The following ANO3 variants were observed in gnomAD, a reference collection of about 807,000 sequenced individuals.
ANO3 encodes anoctamin 3.
ANO3 carries 99 observed loss-of-function variants against 144.8 expected under a neutral mutation model. The ratio of observed to expected loss-of-function variants is 0.68; its 90% confidence interval spans 0.58 to 0.81. The LOEUF (loss-of-function observed/expected upper bound fraction) is 0.81. Ranked by LOEUF, ANO3 falls within the 30% of genes least tolerant of loss-of-function variation. The pLI is 0.00. For synonymous variants in ANO3, 414 were observed against 392.6 expected (o/e 1.05, Z -0.64); for missense variants, 905 against 1,202.2 (o/e 0.75, Z 3.66).
At chr11:26,257,216 A>T (rs1853080045) in intron 1 of ANO3, among the ~76,000 whole-genome samples, 1 of 152,118 alleles carries the variant, frequency 6.6e-6, no homozygotes, top group South Asian at 2.1e-4. Flanking sequence ...ACAGAAGCAT[A>T]CACACAAAAA....
intron 4 of ANO3, among the ~76,000 whole-genome samples, chr11:26,485,603 A>C (rs375110752): frequency 1.6e-4 from 25 of 152,238 alleles, no homozygotes; most frequent in African/African-American, 5.3e-4. Context: ...AATACATCTG[A>C]TGATTAGGGA....
chr11:26,505,733 G>A (rs1861399561), intron 4 of ANO3, among the ~76,000 whole-genome samples: 1 of 152,112 alleles, frequency 6.6e-6, no homozygotes, highest in East Asian at 1.9e-4. Flanking sequence ...AGCACTTTGG[G>A]AGGCCAAGGC....
intron 5 of ANO3, among the ~76,000 whole-genome samples, chr11:26,509,670 A>G (rs1176975418): frequency 6.6e-6 from 1 of 152,200 alleles, no homozygotes; most frequent in Non-Finnish European, 1.5e-5. Flanking sequence ...TAAAGGAAAA[A>G]AAAACTGTTT....
At chr11:26,226,773 T>C (rs1351440115) in intron 1 of ANO3, among the ~76,000 whole-genome samples, 1 of 152,198 alleles carries the variant, frequency 6.6e-6, no homozygotes, top group Non-Finnish European at 1.5e-5. Context: ...TTTTAAACTT[T>C]TATTTTTTTA....
chr11:26,293,146 G>A (rs1853998776), intron 1 of ANO3, among the ~76,000 whole-genome samples: 1 of 152,110 alleles, frequency 6.6e-6, no homozygotes, highest in South Asian at 2.1e-4. Context: ...TTTAAAAGGT[G>A]TTTTGAAAAG....
intron 4 of ANO3, among the ~76,000 whole-genome samples, chr11:26,471,359 T>C (rs1859775377): frequency 6.6e-6 from 1 of 152,000 alleles, no homozygotes; most frequent in Non-Finnish European, 1.5e-5. Context: ...TAGATTGACC[T>C]GTTTGTAATT....
At chr11:26,357,038 A>T (rs1320795667) in intron 1 of ANO3, among the ~76,000 whole-genome samples, 1 of 152,194 alleles carries the variant, frequency 6.6e-6, no homozygotes, top group Non-Finnish European at 1.5e-5. Context: ...TTGCTATATA[A>T]GGTTAATTCA....
chr11:26,207,281 A>G (rs1851817149), intron 1 of ANO3, among the ~76,000 whole-genome samples: 1 of 152,252 alleles, frequency 6.6e-6, no homozygotes, highest in Non-Finnish European at 1.5e-5. Flanking sequence ...TGGCTTACAA[A>G]AAATCAGTTT....
chr11:26,348,670 T>C lies in ANO3; in HGVS notation c.46+16349T>C, dbSNP rs182798144. Among the ~76,000 whole-genome samples, 240 of 152,334 alleles carry C rather than the reference T, an allele frequency of 1.6e-3. 2 individuals carry two copies. Among genetic ancestry groups the C allele is most frequent in the African/African-American group, 5.6e-3 (233 of 41,578 alleles). On this transcript the variant is annotated intron_variant, in intron 1 of 26. Transcript: ENST00000256737. ...TCTTGAAGATCAGGTTTTGGATGAATCTTGAAACATAGCAAAAGCACTCAT... is the reference window on the plus strand; with the variant it reads ...TCTTGAAGATCAGGTTTTGGATGAACCTTGAAACATAGCAAAAGCACTCAT...
intron 1 of ANO3, among the ~76,000 whole-genome samples, chr11:26,431,650 T>C (rs1858094359): frequency 6.6e-6 from 1 of 152,170 alleles, no homozygotes; most frequent in Non-Finnish European, 1.5e-5. Flanking sequence ...ACAAGTGATG[T>C]TTGGTTTTCT....
intron 1 of ANO3, among the ~76,000 whole-genome samples, chr11:26,371,413 G>A (rs2085880): frequency 0.27 from 40,694 of 152,164 alleles, 6,118 homozygotes; most frequent in African/African-American, 0.41. Flanking sequence ...GAGAACCTCT[G>A]CAGTGTGGAA....
chr11:26,504,819 C>T (rs1344284750), intron 4 of ANO3, among the ~76,000 whole-genome samples: 2 of 135,672 alleles, frequency 1.5e-5, no homozygotes, highest in East Asian at 2.2e-4. Context: ...GTCAGGAGAT[C>T]GAGACCATGG....
intron 1 of ANO3, among the ~76,000 whole-genome samples, chr11:26,378,570 A>G (rs766451827): frequency 3.7e-4 from 57 of 152,090 alleles, no homozygotes; most frequent in Non-Finnish European, 6.3e-4. Flanking sequence ...TAAAATGAGA[A>G]AACAAAATGG....
At chr11:26,191,443 A>T (rs1031308758) in intron 1 of ANO3, among the ~76,000 whole-genome samples, 1 of 152,068 alleles carries the variant, frequency 6.6e-6, no homozygotes, top group Non-Finnish European at 1.5e-5. Context: ...AGACACCTGT[A>T]TCGACTCCTA....
Position 26,451,525 on chromosome 11 carries a change from G to T in ANO3, c.313+7689G>T, listed in dbSNP as rs866166025. Among the ~76,000 whole-genome samples the T allele has an allele frequency of 3.3e-5, 5 of 152,204 alleles. No homozygotes were observed. In the South Asian group the frequency reaches 6.2e-4, roughly 19 times the overall value. Reference sequence around the variant, plus strand: ...GATCAAACTGCAAGGCGGCAGCAAGGCTGGGGGAGGAGCGCCCGCCATTAC... The same window carrying T: ...GATCAAACTGCAAGGCGGCAGCAAGTCTGGGGGAGGAGCGCCCGCCATTAC... On this transcript the variant is annotated intron_variant, in intron 3 of 26. Coordinates refer to ENST00000256737, the MANE Select transcript of ANO3 (RefSeq NM_031418.4).
At chr11:26,288,953 G>A (rs188879955) in intron 1 of ANO3, among the ~76,000 whole-genome samples, 103 of 152,130 alleles carry the variant, frequency 6.8e-4, no homozygotes, top group African/African-American at 2.4e-3. Context: ...GATTTCAGTC[G>A]TTTAATAATA....
At chr11:26,465,939 C>T (rs960069821) in intron 4 of ANO3, among the ~76,000 whole-genome samples, 6 of 151,854 alleles carry the variant, frequency 4.0e-5, no homozygotes, top group Non-Finnish European at 8.8e-5. Context: ...CAGAACAATG[C>T]ATTGTATCTT....
At chr11:26,359,361 T>C (rs1855864607) in intron 1 of ANO3, among the ~76,000 whole-genome samples, 1 of 152,196 alleles carries the variant, frequency 6.6e-6, no homozygotes. Context: ...GTTTGCCTAA[T>C]TGGAAAAGGC....
At chr11:26,599,068 C>T (rs556783836) in intron 16 of ANO3, 70 bp downstream of exon 16, 19 of 1,502,222 alleles carry the variant, frequency 1.3e-5, no homozygotes, top group East Asian at 2.3e-5. Context: ...ATGATACCAA[C>T]TCATTTTGTG....
Sources: gnomAD v4.1 joint callset for allele counts (sites outside exome capture counted in the v4.1 genomes callset) on GRCh38, gnomAD v4.1.1 for gene constraint, MANE v1.5 for transcripts, NCBI Gene and HGNC (gene_info 2026-07-23, HGNC 2026-07-21) for gene names.